The following DOCK2 variants were observed in gnomAD, a reference collection of about 807,000 sequenced individuals.
The protein encoded by DOCK2 is dedicator of cytokinesis protein 2.
In DOCK2, 87 loss-of-function variants were observed where a neutral mutation model predicts 248.9. The observed-to-expected ratio is 0.35, with a 90% CI of 0.29 to 0.42. The LOEUF (loss-of-function observed/expected upper bound fraction) is 0.42, where lower values mean the gene tolerates loss of function less well. Ranked by LOEUF, DOCK2 falls within the 10% of genes least tolerant of loss-of-function variation. DOCK2 has a pLI of 1.00. For synonymous variants in DOCK2, 805 were observed against 821.6 expected (o/e 0.98, Z 0.35); for missense variants, 1,747 against 2,300.2 (o/e 0.76, Z 4.92).
At chr5:170,057,954 G>A (rs779041609) in intron 44 of DOCK2, among the ~76,000 whole-genome samples, 10 of 152,094 alleles carry the variant, frequency 6.6e-5, no homozygotes, top group Non-Finnish European at 1.2e-4. Flanking sequence ...GTGTAGCAGA[G>A]GGCCTGGAAC....
At chr5:169,972,445 T>C (rs1777537608) in intron 27 of DOCK2, among the ~76,000 whole-genome samples, 1 of 151,530 alleles carries the variant, frequency 6.6e-6, no homozygotes, top group Admixed American at 6.6e-5. Flanking sequence ...CCAATAGATG[T>C]CAGTAGCAAC....
chr5:169,716,099 A>G, intron 19 of DOCK2, 114 bp from the exon 20 acceptor site: 1 of 936,020 alleles, frequency 1.1e-6, no homozygotes, highest in Non-Finnish European at 1.6e-6. Context: ...TTTGAGCATG[A>G]CATGTGGTGG....
chr5:169,963,346 A>G (rs1352702925), intron 27 of DOCK2, among the ~76,000 whole-genome samples: 1 of 152,090 alleles, frequency 6.6e-6, no homozygotes, highest in Non-Finnish European at 1.5e-5. Flanking sequence ...ATTGACAGGA[A>G]CTCAATCTCA....
chr5:169,883,575 T>C, intron 27 of DOCK2: 1 of 1,551,648 alleles, frequency 6.4e-7, no homozygotes, highest in Non-Finnish European at 8.7e-7. Context: ...TTTTGAAAAC[T>C]GGGAAATGCT....
chr5:169,686,351 A>G (rs1246383333), intron 8 of DOCK2, among the ~76,000 whole-genome samples: 1 of 152,192 alleles, frequency 6.6e-6, no homozygotes, highest in Non-Finnish European at 1.5e-5. Context: ...GAGGGAGACC[A>G]TGAATCAGCG....
chr5:169,708,995 C>G (rs540161603), intron 15 of DOCK2, among the ~76,000 whole-genome samples: 2 of 152,232 alleles, frequency 1.3e-5, no homozygotes, highest in Non-Finnish European at 2.9e-5. Context: ...TTCACCTGCT[C>G]TGTGCCCTGG....
At chr5:170,072,360 T>G (rs1256776900) in intron 46 of DOCK2, among the ~76,000 whole-genome samples, 2 of 152,248 alleles carry the variant, frequency 1.3e-5, no homozygotes, top group Non-Finnish European at 2.9e-5. Flanking sequence ...GAGGTTTGAC[T>G]TTTTTGTTGT....
intron 27 of DOCK2, among the ~76,000 whole-genome samples, chr5:169,912,854 A>G (rs1282725597): frequency 6.6e-6 from 1 of 151,886 alleles, no homozygotes; most frequent in South Asian, 2.1e-4. Context: ...TTTTTTTTCA[A>G]TCAACTCATT....
At chr5:170,006,158 C>T (rs1036776986) in intron 30 of DOCK2, among the ~76,000 whole-genome samples, 1 of 152,080 alleles carries the variant, frequency 6.6e-6, no homozygotes, top group Non-Finnish European at 1.5e-5. Context: ...ACTGGGATGC[C>T]GGGAGGAAAG....
chr5:170,020,838 A>C (rs1755695879), intron 33 of DOCK2, among the ~76,000 whole-genome samples: 1 of 152,230 alleles, frequency 6.6e-6, no homozygotes, highest in African/African-American at 2.4e-5. Flanking sequence ...TCCAGGGAAG[A>C]GGGTTTCAAG....
chr5:169,656,400 T>C (rs887772538), intron 2 of DOCK2, among the ~76,000 whole-genome samples: 9 of 151,934 alleles, frequency 5.9e-5, no homozygotes, highest in Admixed American at 3.3e-4. Context: ...CTCGGCTCAC[T>C]GCAGCCTCCG....
At chr5:169,905,627 A>G (rs879696895) in intron 27 of DOCK2, among the ~76,000 whole-genome samples, 18 of 152,180 alleles carry the variant, frequency 1.2e-4, no homozygotes, top group Admixed American at 9.8e-4. Flanking sequence ...TGGAACTGAA[A>G]TAGAGAGGGA....
At chr5:170,035,877 C>T (rs1472454073) in intron 35 of DOCK2, among the ~76,000 whole-genome samples, 1 of 152,106 alleles carries the variant, frequency 6.6e-6, no homozygotes, top group East Asian at 1.9e-4. Flanking sequence ...CCAGGACCAC[C>T]TGGCTCAGAA....
chr5:170,068,125 A>C (rs1421204538), intron 45 of DOCK2, among the ~76,000 whole-genome samples: 1 of 152,186 alleles, frequency 6.6e-6, no homozygotes, highest in Non-Finnish European at 1.5e-5. Flanking sequence ...AAAAACTAAG[A>C]GATCAACTCC....
chr5:169,864,715 G>T (rs1771430329), intron 27 of DOCK2, among the ~76,000 whole-genome samples: 1 of 152,200 alleles, frequency 6.6e-6, no homozygotes, highest in African/African-American at 2.4e-5. Flanking sequence ...CTGATGGCAA[G>T]TGTTCTGTAA....
At chr5:169,854,128 C>A (rs1235060073) in intron 27 of DOCK2, among the ~76,000 whole-genome samples, 4 of 151,364 alleles carry the variant, frequency 2.6e-5, no homozygotes, top group Admixed American at 2.0e-4. Context: ...CAGCCAAAAA[C>A]AACTTTGACA....
intron 27 of DOCK2, among the ~76,000 whole-genome samples, chr5:169,930,154 C>T (rs1010629952): frequency 4.6e-5 from 7 of 152,130 alleles, no homozygotes; most frequent in Non-Finnish European, 8.8e-5. Context: ...CCATGCCCAG[C>T]TAATTTTTTG....
rs371835495 is a variant in DOCK2 at position 170,082,804 on chromosome 5, C to G, written c.5439C>G (p.Ser1813Arg). ...GTTTATTCTCTCAAAAGCTGGCCAG[C>G]AAATCGGCTGAAGAAGGCAAACAGA... ...VNQFFKTMLA[S>R]KSAEEGKQIP... Residue 1813 changes from serine to arginine, a missense_variant, in exon 52 of 52, where the codon AGC (serine) becomes AGG (arginine). Transcript: ENST00000520908. 4 of 1,614,036 alleles carry G rather than the reference C, an allele frequency of 2.5e-6. No homozygotes were observed. Among genetic ancestry groups the G allele is most frequent in the Non-Finnish European group, 2.5e-6 (3 of 1,180,028 alleles).
chr5:169,933,642 G>A (rs1451353153), intron 27 of DOCK2, among the ~76,000 whole-genome samples: 1 of 152,162 alleles, frequency 6.6e-6, no homozygotes, highest in African/African-American at 2.4e-5. Context: ...CTTGTGAGGA[G>A]TAACAGCTGT....
Sources: allele counts gnomAD v4.1 joint callset (sites outside exome capture counted in the v4.1 genomes callset), GRCh38; gene constraint gnomAD v4.1.1; transcripts MANE v1.5; gene names NCBI Gene and HGNC (gene_info 2026-07-23, HGNC 2026-07-21).